Variants in PREP observed in about 807,000 individuals in gnomAD.
PREP encodes the protein dJ355L5.1 (prolyl endopeptidase).
A neutral mutation model predicts 87.6 loss-of-function variants in PREP; 29 were observed. The observed-to-expected ratio is 0.33, with a 90% CI of 0.25 to 0.45. The LOEUF is 0.45. Among genes scored for constraint, PREP ranks in the 20% least tolerant of loss-of-function variants. The pLI is 1.00. For synonymous variants in PREP, 337 were observed against 328.6 expected, an observed-to-expected ratio of 1.03 and a Z score of -0.28; for missense variants, 695 against 886.5, an observed-to-expected ratio of 0.78 and a Z score of 2.74.
intron 2 of PREP, 63 bp from the exon 3 acceptor site, chr6:105,377,582 C>A: frequency 6.5e-7 from 1 of 1,542,112 alleles, no homozygotes; most frequent in Non-Finnish European, 8.9e-7. Flanking sequence ...GAAATATTAT[C>A]CACTAATATG....
At chr6:105,315,730 T>C (rs1434609734) in intron 10 of PREP, among the ~76,000 whole-genome samples, 1 of 152,248 alleles carries the variant, frequency 6.6e-6, no homozygotes, top group Non-Finnish European at 1.5e-5. Flanking sequence ...TCAATTATTT[T>C]AGCTAGATCT....
intron 2 of PREP, among the ~76,000 whole-genome samples, chr6:105,381,857 A>T (rs1583098576): frequency 1.1e-5 from 1 of 90,462 alleles, no homozygotes; most frequent in East Asian, 1.9e-4. Context: ...AAAATCTGTT[A>T]CAAGGGTAGC....
intron 5 of PREP, among the ~76,000 whole-genome samples, chr6:105,372,511 C>T (rs541308372): frequency 1.3e-5 from 2 of 152,300 alleles, no homozygotes; most frequent in African/African-American, 4.8e-5. Context: ...AGGTACATAG[C>T]CCTTCCTGCC....
chr6:105,338,067 T>G (rs1771525383), intron 7 of PREP, among the ~76,000 whole-genome samples: 1 of 152,140 alleles, frequency 6.6e-6, no homozygotes, highest in African/African-American at 2.4e-5. Flanking sequence ...ATACAAAATT[T>G]GAAGAGAATA....
Position 105,328,933 on chromosome 6 carries a change from GC to G in PREP, c.1108del (p.Ala370LeufsTer14). On this transcript the variant is annotated frameshift_variant, in exon 9 of 15. Coordinates refer to ENST00000652536, the MANE Select transcript of PREP (RefSeq NM_002726.5). LOFTEE classifies it high-confidence loss of function. ...ILQLHDLTTG[A>X]LLKTFPLDVG... is the part of the protein sequence containing the mutation. ...ATCGAGCGGGAAGGTCTTAAGGAGA[GC>G]ACCAGTAGTCAGGTCATGGAGCTGC... 6.2e-7 allele frequency: 1 copy of G among 1,614,150 alleles called. No homozygotes were observed. The highest frequency in any genetic ancestry group is 1.1e-5 in the South Asian group (1 of 91,084).
chr6:105,347,953 G>GA (rs1452056664), intron 7 of PREP, among the ~76,000 whole-genome samples: 3 of 152,130 alleles, frequency 2.0e-5, no homozygotes, highest in African/African-American at 7.2e-5. Context: ...GGAAGGTATA[G>GA]AAAATATAAG....
rs765391845 is a variant in PREP at position 105,377,375 on chromosome 6, A to C, written c.254+11T>G. ...GAAAATAAAAAGGAAATTCAGTAAA[A>C]GCAGTCTCACCGTTTTCCTTTCTTG... On this transcript the variant is annotated intron_variant, in intron 3 of 14. Transcript: ENST00000652536. The C allele has an allele frequency of 3.8e-6, 6 of 1,588,464 alleles. No homozygotes were observed. In the African/African-American group the frequency reaches 5.5e-5, roughly 14 times the overall value.
At chr6:105,328,262 A>ATT (rs372647542) in intron 9 of PREP, among the ~76,000 whole-genome samples, 1 of 145,884 alleles carries the variant, frequency 6.9e-6, no homozygotes, top group Non-Finnish European at 1.5e-5. Flanking sequence ...ATTGGTACTA[A>ATT]TTTTTTTTTT....
intron 9 of PREP, among the ~76,000 whole-genome samples, chr6:105,326,445 A>T (rs1771161416): frequency 6.6e-6 from 1 of 152,158 alleles, no homozygotes; most frequent in Non-Finnish European, 1.5e-5. Context: ...TGGGCTCAAG[A>T]TGTGTTTTCA....
At chr6:105,348,440 A>G (rs1002107083) in intron 7 of PREP, among the ~76,000 whole-genome samples, 3 of 152,186 alleles carry the variant, frequency 2.0e-5, no homozygotes, top group Non-Finnish European at 4.4e-5. Flanking sequence ...AGGTGCTGGC[A>G]ACTCCATGGG....
intron 10 of PREP, among the ~76,000 whole-genome samples, chr6:105,294,042 T>C (rs1416671058): frequency 1.3e-5 from 2 of 152,182 alleles, no homozygotes; most frequent in Non-Finnish European, 2.9e-5. Flanking sequence ...TTGTCCTGAA[T>C]TTGCTGGGTC....
intron 6 of PREP, among the ~76,000 whole-genome samples, chr6:105,355,734 C>G (rs900700143): frequency 6.6e-6 from 1 of 152,202 alleles, no homozygotes; most frequent in Admixed American, 6.5e-5. Context: ...TGTTACATAA[C>G]TTGGTACTGC....
chr6:105,323,548 C>A, intron 10 of PREP, 117 bp downstream of exon 10: 1 of 955,430 alleles, frequency 1.0e-6, no homozygotes, highest in Non-Finnish European at 1.6e-6. Flanking sequence ...GTGGGGGCTA[C>A]AAAATACTAG....
chr6:105,342,506 C>T (rs1048849614), intron 7 of PREP, among the ~76,000 whole-genome samples: 13 of 152,186 alleles, frequency 8.5e-5, no homozygotes, highest in Non-Finnish European at 1.6e-4. Flanking sequence ...CACTACTATT[C>T]AACATAGTGT....
intron 9 of PREP, among the ~76,000 whole-genome samples, chr6:105,327,185 T>C (rs1166601527): frequency 1.3e-5 from 2 of 152,212 alleles, no homozygotes; most frequent in Non-Finnish European, 2.9e-5. Context: ...GTACCCAGTG[T>C]AAATTTGAGG....
At chr6:105,390,689 G>A (rs923424602) in intron 2 of PREP, among the ~76,000 whole-genome samples, 1 of 152,198 alleles carries the variant, frequency 6.6e-6, no homozygotes, top group Non-Finnish European at 1.5e-5. Context: ...AAGATGGGGA[G>A]ACTGAGATTA....
intron 5 of PREP, among the ~76,000 whole-genome samples, chr6:105,372,963 CTG>C (rs1772596497): frequency 6.6e-6 from 1 of 152,182 alleles, no homozygotes; most frequent in South Asian, 2.1e-4. Context: ...ATTAAGAAGG[CTG>C]TGTCATTCAG....
At chr6:105,290,772 C>T (rs1770282948) in intron 10 of PREP, among the ~76,000 whole-genome samples, 1 of 152,186 alleles carries the variant, frequency 6.6e-6, no homozygotes, top group Non-Finnish European at 1.5e-5. Flanking sequence ...TTCCCATTAT[C>T]CCTGTAGTTG....
chr6:105,353,201 T>C (rs1772003394), intron 6 of PREP, 124 bp from the exon 7 acceptor site: 6 of 651,364 alleles, frequency 9.2e-6, no homozygotes, highest in South Asian at 2.3e-5. Flanking sequence ...CCCAAACTCA[T>C]GATCTGATAA....
Sources: allele counts gnomAD v4.1 joint callset (sites outside exome capture counted in the v4.1 genomes callset), GRCh38; gene constraint gnomAD v4.1.1; transcripts MANE v1.5; gene names NCBI Gene and HGNC (gene_info 2026-07-23, HGNC 2026-07-21).